USP6NL: variants seen among roughly 807,000 people sequenced by gnomAD.
USP6NL encodes the protein USP6 N-terminal like.
In USP6NL, 26 loss-of-function variants were observed where a neutral mutation model predicts 61.9. The ratio of observed to expected loss-of-function variants is 0.42; its 90% confidence interval spans 0.31 to 0.58. The LOEUF is 0.58. Among genes scored for constraint, USP6NL ranks in the 20% least tolerant of loss-of-function variants. The probability of loss-of-function intolerance (pLI) is 0.16; values close to 1 mark genes in which losing one functional copy is unlikely to be tolerated. For synonymous variants in USP6NL, 432 were observed against 390.1 expected (o/e 1.11, Z -1.27); for missense variants, 1,114 against 1,034.3 (o/e 1.08, Z -1.06).
chr10:11,541,298 C>A (rs1836060078), intron 2 of USP6NL, among the ~76,000 whole-genome samples: 1 of 119,008 alleles, frequency 8.4e-6, no homozygotes, highest in African/African-American at 3.2e-5. Flanking sequence ...TTCAGGAGAC[C>A]AGATGAATTA....
chr10:11,509,380 A>G (rs1834598343), intron 6 of USP6NL, among the ~76,000 whole-genome samples: 1 of 152,222 alleles, frequency 6.6e-6, no homozygotes, highest in Non-Finnish European at 1.5e-5. Flanking sequence ...CCTCTGAACC[A>G]TTCAATACAG....
At chr10:11,549,824 G>A (rs1288736404) in intron 2 of USP6NL, among the ~76,000 whole-genome samples, 1 of 152,138 alleles carries the variant, frequency 6.6e-6, no homozygotes, top group Non-Finnish European at 1.5e-5. Context: ...TTCTTTATTA[G>A]TTAGAATTAG....
rs73569129 is a variant in USP6NL at position 11,516,627 on chromosome 10, G to A, written c.195+1908C>T. ...GTCATGCAATATGAGTGCAGTTTCC[G>A]TAAAAAAGGCCTTAGGGAAACCCAA... On this transcript the variant is annotated intron_variant, in intron 5 of 14. Coordinates refer to ENST00000609104, the MANE Select transcript of USP6NL (RefSeq NM_014688.5). Among the ~76,000 whole-genome samples the A allele has an allele frequency of 8.7e-3, 1,326 of 152,104 alleles. 18 individuals carry two copies. Among genetic ancestry groups the A allele is most frequent in the African/African-American group, 0.03 (1,226 of 41,502 alleles).
intron 3 of USP6NL, among the ~76,000 whole-genome samples, chr10:11,527,092 T>C (rs535211095): frequency 1.3e-5 from 2 of 151,630 alleles, no homozygotes; most frequent in African/African-American, 4.8e-5. Context: ...GAATGTAGAG[T>C]CTCGGCAGGT....
chr10:11,524,972 T>C (rs1387878144), intron 4 of USP6NL, among the ~76,000 whole-genome samples: 4 of 152,212 alleles, frequency 2.6e-5, no homozygotes, highest in Non-Finnish European at 5.9e-5. Context: ...CATTTATAAC[T>C]ATAAGGAAGA....
intron 2 of USP6NL, among the ~76,000 whole-genome samples, chr10:11,590,108 G>A (rs1588416298): frequency 6.6e-6 from 1 of 152,156 alleles, no homozygotes; most frequent in East Asian, 1.9e-4. Context: ...ATGGCTCAGT[G>A]CTTAAAAGTA....
chr10:11,596,085 A>T lies in USP6NL; in HGVS notation c.4+1546T>A, dbSNP rs1566207019. Among the ~76,000 whole-genome samples the T allele has an allele frequency of 6.6e-6, 1 of 152,196 alleles. No individual in the cohort carries two copies. Among genetic ancestry groups the T allele is most frequent in the African/African-American group, 2.4e-5 (1 of 41,448 alleles). On this transcript the variant is annotated intron_variant, in intron 2 of 14. Coordinates refer to ENST00000609104, the MANE Select transcript of USP6NL (RefSeq NM_014688.5). The surrounding 1 kb of genome is among the most constrained non-coding windows in gnomAD (Gnocchi z 4.1). Reference sequence around the variant, plus strand: ...CACCATCAAACACCGAAATTCAAACATGAAAGGCACAGGCTACCTGCCGTC... The same window carrying T: ...CACCATCAAACACCGAAATTCAAACTTGAAAGGCACAGGCTACCTGCCGTC...
At chr10:11,572,701 C>A (rs1196775443) in intron 2 of USP6NL, among the ~76,000 whole-genome samples, 1 of 151,944 alleles carries the variant, frequency 6.6e-6, no homozygotes, top group Non-Finnish European at 1.5e-5. Flanking sequence ...GTTATATGTA[C>A]ACTTTTCAAA....
intron 2 of USP6NL, among the ~76,000 whole-genome samples, chr10:11,581,120 TTTC>T (rs368091312): frequency 8.1e-4 from 123 of 152,126 alleles, no homozygotes; most frequent in African/African-American, 2.7e-3. Context: ...TCTAATAGTT[TTTC>T]TTATTATTAT....
chr10:11,492,211 T>C (rs1833733685), intron 8 of USP6NL, among the ~76,000 whole-genome samples: 1 of 152,190 alleles, frequency 6.6e-6, no homozygotes, highest in Middle Eastern at 3.2e-3. Context: ...GTTACTATCT[T>C]ACTTGGAAAT....
rs1834838677 is a variant in USP6NL at position 11,513,912 on chromosome 10, T to C, written c.196-4237A>G. Among the ~76,000 whole-genome samples the C allele has an allele frequency of 6.6e-6, 1 of 152,156 alleles. No homozygotes were observed. Among genetic ancestry groups the C allele is most frequent in the Admixed American group, 6.5e-5 (1 of 15,274 alleles). On this transcript the variant is annotated intron_variant, in intron 5 of 14. Transcript: ENST00000609104. The surrounding 1 kb of genome is among the most constrained non-coding windows in gnomAD (Gnocchi z 4.7). ...CCTTTGTCTCTGATGACACTGATGT[T>C]TTGAAAAGTCAAGGCCACACTATCT...
intron 2 of USP6NL, among the ~76,000 whole-genome samples, chr10:11,544,670 G>GT (rs1836206850): frequency 6.6e-6 from 1 of 151,870 alleles, no homozygotes; most frequent in African/African-American, 2.4e-5. Context: ...TGTATTTTCA[G>GT]TAGAGACGGG....
In USP6NL at chr10:11,532,168, A is replaced by G. The variant is rs750571840; in HGVS notation, c.5-4601T>C. ...AAATATAAACAACATCAATTTTAAAAGTACTTTACCCTTTGTGAGATAATC... is the reference window on the plus strand; with the variant it reads ...AAATATAAACAACATCAATTTTAAAGGTACTTTACCCTTTGTGAGATAATC... On this transcript the variant is annotated intron_variant, in intron 2 of 14. Transcript: ENST00000609104. This position sits in a 1 kb window ranked among gnomAD's most constrained non-coding sequence, Gnocchi z 4.1. The G allele has an allele frequency of 1.3e-6, 2 of 1,564,658 alleles. No homozygotes were observed. Among genetic ancestry groups the G allele is most frequent in the African/African-American group, 2.7e-5 (2 of 73,784 alleles).
chr10:11,508,553 C>G (rs559489724), intron 6 of USP6NL, among the ~76,000 whole-genome samples: 2 of 152,212 alleles, frequency 1.3e-5, no homozygotes, highest in South Asian at 4.1e-4. Context: ...TAGTGCTGTA[C>G]TGTGGAATTA....
chr10:11,547,468 T>G (rs920175231), intron 2 of USP6NL, among the ~76,000 whole-genome samples: 1 of 152,050 alleles, frequency 6.6e-6, no homozygotes, highest in African/African-American at 2.4e-5. Context: ...CTGATAATTA[T>G]AAAATATTTC....
At chr10:11,514,778 T>A (rs1834884581) in intron 5 of USP6NL, among the ~76,000 whole-genome samples, 1 of 152,202 alleles carries the variant, frequency 6.6e-6, no homozygotes, top group African/African-American at 2.4e-5. Flanking sequence ...GAAATTTTTA[T>A]AATTGTATAG....
In USP6NL at chr10:11,593,195, T is replaced by C. The variant is rs184558377; in HGVS notation, c.4+4436A>G. On this transcript the variant is annotated intron_variant, in intron 2 of 14. Transcript: ENST00000609104. ...CAGAGCAAAACTTTCCTGAAGAAAC[T>C]GAAATAAAATACAGAACATTAAAAT... is the stretch of plus-strand genomic sequence containing the variant. 2.1e-3 allele frequency among the ~76,000 whole-genome samples: 323 copies of C among 152,328 alleles called. 1 individual carries two copies. Among genetic ancestry groups the C allele is most frequent in the Non-Finnish European group, 3.3e-3 (226 of 68,024 alleles).
In USP6NL at chr10:11,460,614, ATATT is replaced by A. The variant is rs994077089; in HGVS notation, c.*1823_*1826del. On this transcript the variant is annotated 3_prime_UTR_variant, in exon 15 of 15. Transcript: ENST00000609104. ...GAAAATAGTGCTTGTGTGTATATAT[ATATT>A]TTTTGCATATATATATATATATATA... The A allele has an allele frequency of 1.5e-5, 2 of 130,894 alleles. No homozygotes were observed. Among genetic ancestry groups the A allele is most frequent in the African/African-American group, 5.8e-5 (2 of 34,586 alleles). The allele number at this position is 130,894 out of a possible 1,614,324, so 8.1% of individuals were successfully genotyped here.
rs540173727 is a variant in USP6NL at position 11,544,736 on chromosome 10, G to A, written c.5-17169C>T. On this transcript the variant is annotated intron_variant, in intron 2 of 14. Transcript: ENST00000609104. ...ACTCCTTACCTCACGTGATCCACCC[G>A]CCTCGGCCTCCCAAAGTGCTGGGAT... Among the ~76,000 whole-genome samples the A allele has an allele frequency of 7.9e-5, 12 of 152,170 alleles. No individual in the cohort carries two copies. In the East Asian group the frequency reaches 1.2e-3, roughly 15 times the overall value.
Sources: gnomAD v4.1 joint callset for allele counts (sites outside exome capture counted in the v4.1 genomes callset) on GRCh38, gnomAD v4.1.1 for gene constraint, Gnocchi (gnomAD v3.1) non-coding constraint, MANE v1.5 for transcripts, NCBI Gene and HGNC (gene_info 2026-07-23, HGNC 2026-07-21) for gene names.